Variants in DNA2 observed in about 807,000 individuals in gnomAD.
The protein encoded by DNA2 is DNA replication helicase/nuclease 2.
In DNA2, 101 loss-of-function variants were observed where a neutral mutation model predicts 119.1. The ratio of observed to expected loss-of-function variants is 0.85; its 90% CI spans 0.72 to 1.00. The LOEUF (loss-of-function observed/expected upper bound fraction) is 1.00. Ranked by LOEUF, DNA2 falls within the 50% of genes least tolerant of loss-of-function variation. The pLI is 0.00. For synonymous variants in DNA2, 366 were observed against 424.4 expected, an observed-to-expected ratio of 0.86 and a Z score of 1.69; for missense variants, 1,121 against 1,255.5, an observed-to-expected ratio of 0.89 and a Z score of 1.62.
chr10:68,460,964 G>C (rs535787655), intron 4 of DNA2, among the ~76,000 whole-genome samples: 2 of 151,412 alleles, frequency 1.3e-5, no homozygotes, highest in African/African-American at 4.8e-5. Flanking sequence ...TCAAATTTCA[G>C]ATAATTTGCT....
chr10:68,464,829 CAAAAAAAAAAA>C (rs71009067), intron 4 of DNA2, among the ~76,000 whole-genome samples: 3 of 40,654 alleles, frequency 7.4e-5, no homozygotes, highest in African/African-American at 1.9e-4. Context: ...AACTCCACCT[CAAAAAAAAAAA>C]AAAAAAAAAA....
intron 9 of DNA2, among the ~76,000 whole-genome samples, chr10:68,437,879 T>G (rs548889024): frequency 1.3e-5 from 2 of 151,884 alleles, no homozygotes; most frequent in African/African-American, 4.8e-5. Context: ...ACAAGCTAAT[T>G]TTTTATATTT....
rs191367241 is a variant in DNA2, at chr10:68,468,142, A to G, written c.422T>C (p.Val141Ala). The G allele has an allele frequency of 5.6e-6, 9 of 1,600,906 alleles. No individual in the cohort carries two copies. The highest frequency in any genetic ancestry group is 5.1e-6 in the Non-Finnish European group (6 of 1,174,624). ...ASSIRCMRRA[V>A]LSETFRSSDP... is the part of the protein sequence containing the mutation. ...ATTTACCCTAAAAGTTTCACTCAGG[A>G]CAGCTCTTCTCATACATCGAATACT... Residue 141 changes from valine (V) to alanine (A), a missense_variant, in exon 3 of 21, where the codon GTC becomes GCC. Transcript: ENST00000358410.
At position 68,458,789 on chromosome 10, in the gene DNA2, C is replaced by T. The variant is rs574380535; in HGVS notation, c.719+315G>A. Among the ~76,000 whole-genome samples, 7 of 151,760 alleles carry T rather than the reference C, an allele frequency of 4.6e-5. No individual in the cohort carries two copies. The South Asian group carries it at 1.0e-3, about 23-fold the overall frequency. ...CTTGAACCTGGGAGGCGGAGGTTGC[C>T]GGGAGCAGAGATCAGTGCCACTGTA... On this transcript the variant is annotated intron_variant, in intron 5 of 20. Coordinates refer to ENST00000358410, the MANE Select transcript of DNA2 (RefSeq NM_001080449.3).
chr10:68,425,814 A>C lies in DNA2; in HGVS notation c.2209-2924T>G, dbSNP rs1023331937. Reference sequence around the variant, plus strand: ...ATGGGAAATGTTTCATAATTCAAAAAAAAAACAAAAACCCCAAAAACCCAA... The same window carrying C: ...ATGGGAAATGTTTCATAATTCAAAACAAAAACAAAAACCCCAAAAACCCAA... On this transcript the variant is annotated intron_variant, in intron 14 of 20. Transcript: ENST00000358410. Among the ~76,000 whole-genome samples, 3 of 151,908 alleles carry C rather than the reference A, an allele frequency of 2.0e-5. No homozygotes were observed. In the East Asian group the frequency reaches 5.8e-4, roughly 29 times the overall value.
chr10:68,424,855 C>T, intron 14 of DNA2: 2 of 791,288 alleles, frequency 2.5e-6, no homozygotes, highest in South Asian at 2.7e-5. Context: ...CACGTGGGTA[C>T]TCACCCAAAC....
chr10:68,436,924 C>T (rs1160761615), intron 10 of DNA2, 87 bp downstream of exon 10: 16 of 1,079,280 alleles, frequency 1.5e-5, no homozygotes, highest in Non-Finnish European at 2.0e-5. Context: ...TAAAAACCAG[C>T]GAATTGTACA....
At chr10:68,444,182 G>A (rs1032275378) in intron 8 of DNA2, among the ~76,000 whole-genome samples, 1 of 151,958 alleles carries the variant, frequency 6.6e-6, no homozygotes, top group African/African-American at 2.4e-5. Context: ...ACGAGGTCAA[G>A]AGATCGAGAC....
intron 19 of DNA2, 84 bp downstream of exon 19, chr10:68,418,950 G>T: frequency 7.7e-7 from 1 of 1,300,676 alleles, no homozygotes; most frequent in Non-Finnish European, 1.1e-6. Flanking sequence ...TGGGATTACA[G>T]GTGTGAGCCA....
In DNA2 at chr10:68,459,847, T is replaced by G. The variant is rs1006308865; in HGVS notation, c.588-612A>C. 2.0e-5 allele frequency among the ~76,000 whole-genome samples: 3 copies of G among 151,978 alleles called. No homozygotes were observed. The East Asian group carries it at 5.8e-4, about 29-fold the overall frequency. ...TTCGAGACAAGCCTGGCCAACATGGTGAAACGCTGTCTCTACTAAAAACAC... is the reference window on the plus strand; with the variant it reads ...TTCGAGACAAGCCTGGCCAACATGGGGAAACGCTGTCTCTACTAAAAACAC... On this transcript the variant is annotated intron_variant, in intron 4 of 20. Coordinates refer to ENST00000358410, the MANE Select transcript of DNA2 (RefSeq NM_001080449.3).
In DNA2 at chr10:68,471,913, G is replaced by C. The variant is rs571796580; in HGVS notation, c.-49C>G. The stretch of plus-strand genomic sequence containing the variant: ...GTAGACAGAAAAGACAGCGGAACCG[G>C]GGGTAACACAGAAAGCTTAGAAAAG... On this transcript the variant is annotated 5_prime_UTR_variant, in exon 1 of 21. Coordinates refer to ENST00000358410, the MANE Select transcript of DNA2 (RefSeq NM_001080449.3). 7 of 1,613,736 alleles carry C rather than the reference G, an allele frequency of 4.3e-6. No homozygotes were observed. The highest frequency in any genetic ancestry group is 1.7e-5 in the Admixed American group (1 of 60,004).
At chr10:68,421,932 A>C (rs968596887) in intron 17 of DNA2, among the ~76,000 whole-genome samples, 2 of 151,736 alleles carry the variant, frequency 1.3e-5, no homozygotes, top group Non-Finnish European at 2.9e-5. Flanking sequence ...CTCATGCCTC[A>C]GCCTCCTGAG....
At chr10:68,471,655 G>T in intron 1 of DNA2, 136 bp downstream of exon 1, 1 of 1,091,714 alleles carries the variant, frequency 9.2e-7, no homozygotes, top group South Asian at 1.8e-5. Flanking sequence ...CCGGAGGCTC[G>T]TCGGGTGCCC....
At chr10:68,427,613 C>T (rs1355004946) in intron 14 of DNA2, among the ~76,000 whole-genome samples, 2 of 149,886 alleles carry the variant, frequency 1.3e-5, no homozygotes, top group Admixed American at 1.4e-4. Context: ...CTCACCAGTG[C>T]ACTCCAGCCT....
chr10:68,441,128 T>C (rs1176920869), intron 9 of DNA2, among the ~76,000 whole-genome samples: 1 of 149,480 alleles, frequency 6.7e-6, no homozygotes, highest in African/African-American at 2.5e-5. Context: ...AGGCCAGGAG[T>C]TCAAGACCAG....
At position 68,468,300 on chromosome 10, in the gene DNA2, A is replaced by G. The variant is rs749078276; in HGVS notation, c.264T>C (p.Ser88=). The G allele has an allele frequency of 6.8e-5, 107 of 1,572,098 alleles. No homozygotes were observed. The Middle Eastern group carries it at 1.2e-3, about 18-fold the overall frequency. The stretch of plus-strand genomic sequence containing the variant: ...TGATATCTCCTGGCTCTACTGGAAC[A>G]GAACACCTGAAAATAAAGCAAAGTT... ...ELCILRNDWC[S]VPVEPGDIIH... Residue 88 remains serine (S), a synonymous_variant, in exon 3 of 21, where the codon TCT becomes TCC. Transcript: ENST00000358410.
chr10:68,422,166 T>C (rs2051673564), intron 17 of DNA2, 59 bp downstream of exon 17: 1 of 1,365,322 alleles, frequency 7.3e-7, no homozygotes, highest in Non-Finnish European at 9.8e-7. Context: ...TAATGAAAAC[T>C]GAGAAATTTA....
chr10:68,428,793 T>C (rs1447818359), intron 14 of DNA2, among the ~76,000 whole-genome samples: 1 of 152,162 alleles, frequency 6.6e-6, no homozygotes, highest in Non-Finnish European at 1.5e-5. Flanking sequence ...CTCAGAGTCA[T>C]GGCTGTCAGA....
At chr10:68,429,402 G>A (rs1167385955) in intron 14 of DNA2, among the ~76,000 whole-genome samples, 1 of 151,958 alleles carries the variant, frequency 6.6e-6, no homozygotes, top group Non-Finnish European at 1.5e-5. Flanking sequence ...AAATTAGCAG[G>A]ACGTGGTCAG....
Sources: allele counts gnomAD v4.1 joint callset (sites outside exome capture counted in the v4.1 genomes callset), GRCh38; gene constraint gnomAD v4.1.1; transcripts MANE v1.5; gene names NCBI Gene and HGNC (gene_info 2026-07-23, HGNC 2026-07-21).